SLC22A25: variants seen among roughly 807,000 people sequenced by gnomAD.
SLC22A25 encodes solute carrier family 22 member 25.
In SLC22A25, 44 loss-of-function variants were observed where a neutral mutation model predicts 45.9. The observed-to-expected ratio is 0.96, with a 90% CI of 0.75 to 1.23. The LOEUF (loss-of-function observed/expected upper bound fraction) is 1.23, where lower values mean the gene tolerates loss of function less well. Ranked by LOEUF, SLC22A25 falls within the 50% of genes most tolerant of loss-of-function variation. The pLI is 0.00. For missense variants in SLC22A25, 800 were observed against 666.4 expected (o/e 1.20, Z -2.21); for synonymous variants, 283 against 238.6 (o/e 1.19, Z -1.72).
chr11:63,210,870 A>G (rs1054227162), intron 7 of SLC22A25, among the ~76,000 whole-genome samples: 4 of 152,196 alleles, frequency 2.6e-5, no homozygotes, highest in African/African-American at 9.6e-5. Flanking sequence ...GTTTCTATAT[A>G]TGCCAAATTG....
chr11:63,168,918 G>A (rs979866317), intron 9 of SLC22A25, among the ~76,000 whole-genome samples: 3 of 152,064 alleles, frequency 2.0e-5, no homozygotes, highest in African/African-American at 7.2e-5. Context: ...CAGCCACAGA[G>A]GAAGGTCAGG....
In SLC22A25 at chr11:63,163,766, C is replaced by G. The variant is rs952171255; in HGVS notation, c.*58G>C. 9.7e-5 allele frequency: 151 copies of G among 1,556,214 alleles called. No individual in the cohort carries two copies. Among genetic ancestry groups the G allele is most frequent in the Admixed American group, 3.8e-4 (20 of 52,416 alleles). ...CTGACTACATGGGAATAGCCCAGAT[C>G]TAAGCCTTTTTGGGGGATGGTAGCC... On this transcript the variant is annotated 3_prime_UTR_variant, in exon 12 of 12. Transcript: ENST00000306494.
At chr11:63,185,755 C>G (rs2088514219) in intron 7 of SLC22A25, among the ~76,000 whole-genome samples, 1 of 140,266 alleles carries the variant, frequency 7.1e-6, no homozygotes, top group South Asian at 2.3e-4. Context: ...CCTGTGATCT[C>G]GTTGTTCAAT....
chr11:63,163,771 C>G lies in SLC22A25; in HGVS notation c.*53G>C. Reference sequence around the variant, plus strand: ...TACATGGGAATAGCCCAGATCTAAGCCTTTTTGGGGGATGGTAGCCCTAAA... The same window carrying G: ...TACATGGGAATAGCCCAGATCTAAGGCTTTTTGGGGGATGGTAGCCCTAAA... On this transcript the variant is annotated 3_prime_UTR_variant, in exon 12 of 12. Transcript: ENST00000306494. 1 of 1,559,114 alleles carries G rather than the reference C, an allele frequency of 6.4e-7. No homozygotes were observed. The highest frequency in any genetic ancestry group is 8.7e-7 in the Non-Finnish European group (1 of 1,155,496).
chr11:63,234,021 T>C (rs956037829), intron 3 of SLC22A25, among the ~76,000 whole-genome samples: 5 of 152,232 alleles, frequency 3.3e-5, no homozygotes, highest in African/African-American at 1.2e-4. Context: ...TAATTTCTGT[T>C]CTTTTACATT....
intron 3 of SLC22A25, among the ~76,000 whole-genome samples, chr11:63,230,744 G>T (rs951268739): frequency 6.6e-6 from 1 of 152,170 alleles, no homozygotes; most frequent in African/African-American, 2.4e-5. Flanking sequence ...TTGGTGCGCT[G>T]CACCCATTAA....
intron 7 of SLC22A25, among the ~76,000 whole-genome samples, chr11:63,208,850 G>A (rs1361853069): frequency 6.6e-6 from 1 of 152,124 alleles, no homozygotes; most frequent in East Asian, 1.9e-4. Flanking sequence ...ACAGGGGAAG[G>A]CACGTTCCTG....
chr11:63,175,737 A>C (rs1373058115), intron 9 of SLC22A25, among the ~76,000 whole-genome samples: 1 of 151,906 alleles, frequency 6.6e-6, no homozygotes, highest in Non-Finnish European at 1.5e-5. Flanking sequence ...TTCAGGTCTC[A>C]TGTTAAGTCT....
At chr11:63,179,694 T>C (rs995637514) in intron 9 of SLC22A25, among the ~76,000 whole-genome samples, 3 of 152,124 alleles carry the variant, frequency 2.0e-5, no homozygotes, top group African/African-American at 7.2e-5. Context: ...AAAACTAATT[T>C]CTTGGGCAGC....
At chr11:63,218,357 G>C (rs777115485) in intron 5 of SLC22A25, 10 of 229,124 alleles carry the variant, frequency 4.4e-5, no homozygotes, top group Admixed American at 1.1e-4. Flanking sequence ...AGAGTTGGCA[G>C]GGAGGGAGGG....
chr11:63,194,610 A>G (rs2088936814), intron 7 of SLC22A25, among the ~76,000 whole-genome samples: 1 of 152,182 alleles, frequency 6.6e-6, no homozygotes, highest in Non-Finnish European at 1.5e-5. Flanking sequence ...CTGCAGAAAC[A>G]TGCCAAATGT....
chr11:63,197,070 G>A lies in SLC22A25; in HGVS notation c.831-13253C>T, dbSNP rs145464234. Among the ~76,000 whole-genome samples, 712 of 152,170 alleles carry A rather than the reference G, an allele frequency of 4.7e-3. 1 individual carries two copies. Among genetic ancestry groups the A allele is most frequent in the Non-Finnish European group, 7.6e-3 (518 of 67,992 alleles). On this transcript the variant is annotated intron_variant, in intron 7 of 11. Transcript: ENST00000306494. ...CAAGATATGTGAAGGACCTTTTCAA[G>A]GAGAACTACAAACCACTACTCAACG... is the stretch of plus-strand genomic sequence containing the variant.
At chr11:63,177,650 G>A (rs1249536674) in intron 9 of SLC22A25, among the ~76,000 whole-genome samples, 1 of 151,330 alleles carries the variant, frequency 6.6e-6, no homozygotes, top group African/African-American at 2.4e-5. Flanking sequence ...GTGAGAACAT[G>A]CAATATTTGT....
At chr11:63,188,939 A>G (rs907271347) in intron 7 of SLC22A25, among the ~76,000 whole-genome samples, 11 of 151,992 alleles carry the variant, frequency 7.2e-5, no homozygotes, top group Non-Finnish European at 1.0e-4. Context: ...GTTCTTTTAC[A>G]TTTGCTGAGG....
chr11:63,220,294 C>T (rs117070489), intron 5 of SLC22A25, among the ~76,000 whole-genome samples: 5,124 of 152,226 alleles, frequency 0.034, 116 homozygotes, highest in Non-Finnish European at 0.056. Context: ...GATCATGCTC[C>T]AGGCACAAGC....
In SLC22A25 at chr11:63,228,507, C is replaced by G. The variant is rs759048265; in HGVS notation, c.460G>C (p.Ala154Pro). The stretch of plus-strand genomic sequence containing the variant: ...AGGTTGCCTCCCACCATCATTCCAG[C>G]CATGAATAGAAATTTAGCTACTGAA... ...LNSVAKFLFM[A>P]GMMVGGNLYG... is the part of the protein sequence containing the mutation. The change falls in exon 5 of 12, where the codon GCT becomes CCT. Residue 154 changes from alanine to proline, a missense_variant. Physicochemically the swap from Ala to Pro is conservative, Grantham distance 27. Transcript: ENST00000306494. 1.2e-6 allele frequency: 2 copies of G among 1,613,852 alleles called. No individual in the cohort carries two copies. The highest frequency in any genetic ancestry group is 3.3e-5 in the Admixed American group (2 of 59,990).
intron 7 of SLC22A25, among the ~76,000 whole-genome samples, chr11:63,212,456 G>C (rs2089595991): frequency 6.6e-6 from 1 of 152,084 alleles, no homozygotes; most frequent in South Asian, 2.1e-4. Context: ...AGAAAATGTG[G>C]CACATACACA....
Position 63,166,105 on chromosome 11 carries a change from G to A in SLC22A25, c.1224C>T (p.Ser408=). Residue 408 remains serine (S), a synonymous_variant, in exon 10 of 12, where the codon AGC becomes AGT. Coordinates refer to ENST00000306494, the MANE Select transcript of SLC22A25 (RefSeq NM_199352.6). The part of the protein sequence containing the change: ...WALNHMSRRL[S]QMLLMFLLAT... ...CCAGTAGGAACATGAGAAGCATCTG[G>A]CTTAGTCGACGGCTCATGTGATTCA... The A allele has an allele frequency of 6.2e-7, 1 of 1,614,024 alleles. No homozygotes were observed. Among genetic ancestry groups the A allele is most frequent in the South Asian group, 1.1e-5 (1 of 91,070 alleles).
At position 63,183,756 on chromosome 11, in the gene SLC22A25, C is replaced by G. The variant is rs183386445; in HGVS notation, c.892G>C (p.Glu298Gln). The G allele has an allele frequency of 1.8e-4, 298 of 1,613,252 alleles. No homozygotes were observed. The Admixed American group carries it at 4.7e-3, about 26-fold the overall frequency. Reference protein sequence around the residue: ...INNKPEEGLKELRKAAHRNGM... With the variant: ...INNKPEEGLKQLRKAAHRNGM... ...TTCCTGTGTGCAGCTTTTCTAAGTT[C>G]CTTTAAGCCCTCTTCTGGTTTGTTG... Residue 298 changes from glutamate (E) to glutamine (Q), a missense_variant, in exon 8 of 12, where the codon GAA (glutamate) becomes CAA (glutamine). Coordinates refer to ENST00000306494, the MANE Select transcript of SLC22A25 (RefSeq NM_199352.6).
Sources: gnomAD v4.1 joint callset for allele counts (sites outside exome capture counted in the v4.1 genomes callset) on GRCh38, gnomAD v4.1.1 for gene constraint, MANE v1.5 for transcripts, NCBI Gene and HGNC (gene_info 2026-07-23, HGNC 2026-07-21) for gene names.